KCNN2: variants seen among roughly 807,000 people sequenced by gnomAD.
The protein encoded by KCNN2 is small conductance calcium-activated potassium channel protein 2.
In KCNN2, 24 loss-of-function variants were observed where a neutral mutation model predicts 55.5. That is an observed-to-expected ratio of 0.43 (90% CI 0.31 to 0.61). KCNN2 has a LOEUF of 0.61. KCNN2 is among the 20% of genes least tolerant of loss of function. The pLI is 0.08. For synonymous variants in KCNN2, 431 were observed against 336.1 expected (o/e 1.28, Z -3.09); for missense variants, 754 against 853.6 (o/e 0.88, Z 1.45).
chr5:114,385,994 T>C (rs1758270873), intron 2 of KCNN2, among the ~76,000 whole-genome samples: 1 of 151,378 alleles, frequency 6.6e-6, no homozygotes, highest in Admixed American at 6.6e-5. Context: ...CTGGCTAACA[T>C]GGTGAAACCC....
At chr5:114,379,574 A>G (rs28449910) in intron 2 of KCNN2, among the ~76,000 whole-genome samples, 1,493 of 58,302 alleles carry the variant, frequency 0.026, 95 homozygotes, top group African/African-American at 0.056. Context: ...ATTATATATT[A>G]TAGAATATAT....
At chr5:114,447,894 A>G (rs1441649984) in intron 3 of KCNN2, among the ~76,000 whole-genome samples, 1 of 152,240 alleles carries the variant, frequency 6.6e-6, no homozygotes, top group East Asian at 1.9e-4. Flanking sequence ...TTCCAAAAAT[A>G]CTAATATTTA....
chr5:114,440,346 G>A (rs1302659885), intron 3 of KCNN2, among the ~76,000 whole-genome samples: 4 of 151,912 alleles, frequency 2.6e-5, no homozygotes. Context: ...TAAAAACAAA[G>A]GCAAAATAAA....
intron 2 of KCNN2, among the ~76,000 whole-genome samples, chr5:114,394,876 T>A (rs899000942): frequency 1.3e-5 from 2 of 152,212 alleles, no homozygotes; most frequent in African/African-American, 4.8e-5. Context: ...ATTTTAATGA[T>A]TAACTTATGT....
chr5:114,321,596 A>G (rs1432645127), intron 2 of KCNN2, among the ~76,000 whole-genome samples: 2 of 152,016 alleles, frequency 1.3e-5, no homozygotes, highest in Non-Finnish European at 1.5e-5. Flanking sequence ...CCTCTTTGTA[A>G]TGGACCTCTT....
intron 3 of KCNN2, among the ~76,000 whole-genome samples, chr5:114,437,622 T>C (rs1760054333): frequency 6.6e-6 from 1 of 152,178 alleles, no homozygotes; most frequent in Non-Finnish European, 1.5e-5. Context: ...CTATTGAAAG[T>C]GTTACATAGT....
intron 2 of KCNN2, among the ~76,000 whole-genome samples, chr5:114,235,232 T>C (rs1754466828): frequency 6.6e-6 from 1 of 152,208 alleles, no homozygotes; most frequent in Non-Finnish European, 1.5e-5. Flanking sequence ...AGCATGTTTA[T>C]AAAATATGCA....
At chr5:114,361,987 G>C (rs1394768641), upstream of KCNN2, 2 of 153,044 alleles carry the variant, frequency 1.3e-5, no homozygotes, top group African/African-American at 4.8e-5. Flanking sequence ...CATTGTTTTG[G>C]TGCGCCCAAC....
chr5:114,087,353 G>A (rs1198129935), intron 1 of KCNN2, among the ~76,000 whole-genome samples: 1 of 151,924 alleles, frequency 6.6e-6, no homozygotes, highest in African/African-American at 2.4e-5. Context: ...TCTTTCCCAA[G>A]GCTCATGTTC....
intron 5 of KCNN2, among the ~76,000 whole-genome samples, chr5:114,478,574 G>T (rs1429635468): frequency 2.0e-5 from 3 of 151,642 alleles, no homozygotes; most frequent in South Asian, 4.2e-4. Context: ...CCACAAGAAG[G>T]TCAACCCCCA....
At chr5:114,422,223 C>G (rs759547050) in intron 3 of KCNN2, among the ~76,000 whole-genome samples, 49 of 152,152 alleles carry the variant, frequency 3.2e-4, no homozygotes, top group Non-Finnish European at 1.2e-4. Context: ...TTTTATGTTC[C>G]CCCAAAATTC....
In KCNN2 at chr5:114,404,560, C is replaced by T. The variant is rs148941704; in HGVS notation, c.1341C>T (p.Phe447=). ...AIHPIPGNYT[F]TWTARLAFSY... is the part of the protein sequence containing the mutation. ...ATCCCATACCTGGGAATTATACATTCACATGGACGGCCCGGCTTGCCTTCT... is the reference window on the plus strand; with the variant it reads ...ATCCCATACCTGGGAATTATACATTTACATGGACGGCCCGGCTTGCCTTCT... The change falls in exon 3 of 8, where the codon TTC becomes TTT. Residue 447 remains phenylalanine, a synonymous_variant. Transcript: ENST00000673685. 27 of 1,613,704 alleles carry T rather than the reference C, an allele frequency of 1.7e-5. No individual in the cohort carries two copies. The highest frequency in any genetic ancestry group is 2.0e-5 in the Non-Finnish European group (24 of 1,179,988).
intron 2 of KCNN2, among the ~76,000 whole-genome samples, chr5:114,311,790 G>C (rs1396832716): frequency 6.6e-6 from 1 of 152,108 alleles, no homozygotes; most frequent in African/African-American, 2.4e-5. Flanking sequence ...GGGTTTTCAA[G>C]TTCTTGCTTT....
intron 3 of KCNN2, among the ~76,000 whole-genome samples, chr5:114,420,026 A>G (rs1434816585): frequency 6.6e-6 from 1 of 152,248 alleles, no homozygotes; most frequent in Non-Finnish European, 1.5e-5. Flanking sequence ...CCATTCATCT[A>G]CAGAGAATGC....
At chr5:114,363,608 A>G (rs779652164) in intron 1 of KCNN2, among the ~76,000 whole-genome samples, 8 of 152,170 alleles carry the variant, frequency 5.3e-5, no homozygotes, top group African/African-American at 1.2e-4. Flanking sequence ...TGAACTCAGA[A>G]GTAAGTTCCT....
At chr5:114,341,967 T>C (rs1304145643) in intron 2 of KCNN2, among the ~76,000 whole-genome samples, 1 of 151,710 alleles carries the variant, frequency 6.6e-6, no homozygotes, top group African/African-American at 2.4e-5. Context: ...AGTGGCATGA[T>C]CTCGGCTCAC....
At chr5:114,454,938 T>TA (rs1760853933) in intron 3 of KCNN2, among the ~76,000 whole-genome samples, 1 of 152,230 alleles carries the variant, frequency 6.6e-6, no homozygotes, top group Admixed American at 6.5e-5. Context: ...TGGTTACAGA[T>TA]ACGCTTATGT....
chr5:114,159,704 A>T (rs1225146725), intron 1 of KCNN2, among the ~76,000 whole-genome samples: 1 of 152,122 alleles, frequency 6.6e-6, no homozygotes, highest in Admixed American at 6.6e-5. Flanking sequence ...CTATTCAGAG[A>T]TTCAACTTCT....
chr5:114,160,906 G>A (rs1310699322), intron 1 of KCNN2, among the ~76,000 whole-genome samples: 12 of 152,120 alleles, frequency 7.9e-5, no homozygotes, highest in East Asian at 7.7e-4. Flanking sequence ...GTCTCTGCAC[G>A]TGAGATGGGT....
Sources: gnomAD v4.1 joint callset for allele counts (sites outside exome capture counted in the v4.1 genomes callset) on GRCh38, gnomAD v4.1.1 for gene constraint, MANE v1.5 for transcripts, NCBI Gene and HGNC (gene_info 2026-07-23, HGNC 2026-07-21) for gene names.